CDKL5: variants seen among roughly 807,000 people sequenced by gnomAD.
The protein encoded by CDKL5 is cyclin dependent kinase like 5.
Under a neutral mutation model 61.7 loss-of-function variants are expected in CDKL5, and 8 were observed. The ratio of observed to expected loss-of-function variants is 0.13; its 90% confidence interval spans 0.08 to 0.23. CDKL5 has a LOEUF of 0.23. CDKL5 is among the 10% of genes least tolerant of loss of function. CDKL5 has a pLI of 1.00. For missense variants in CDKL5, 440 were observed against 734.5 expected, an observed-to-expected ratio of 0.60 and a Z score of 4.63; for synonymous variants, 275 against 272.3, an observed-to-expected ratio of 1.01 and a Z score of -0.10.
intron 1 of CDKL5, among the ~76,000 whole-genome samples, chrX:18,496,334 C>A (rs1195838725): frequency 1.8e-5 from 2 of 111,927 alleles, no homozygotes; most frequent in African/African-American, 6.5e-5. Context: ...TTCTGATTCG[C>A]AGTTGGTTGA....
At chrX:18,485,711 T>C (rs758970843) in intron 1 of CDKL5, among the ~76,000 whole-genome samples, 1 of 111,834 alleles carries the variant, frequency 8.9e-6, no homozygotes, top group Admixed American at 9.5e-5. Context: ...ACTTTCCTTA[T>C]AGGGAATCTT....
At chrX:18,624,553 A>T (rs1342172126) in intron 16 of CDKL5, among the ~76,000 whole-genome samples, 2 of 112,055 alleles carry the variant, frequency 1.8e-5, no homozygotes, top group African/African-American at 6.5e-5. Context: ...AATTGCATTC[A>T]TCTGGAATTT....
chrX:18,513,846 T>A (rs1168094562), intron 3 of CDKL5, among the ~76,000 whole-genome samples: 1 of 111,781 alleles, frequency 8.9e-6, no homozygotes, highest in African/African-American at 3.2e-5. Context: ...AACAAATGGA[T>A]TATTATGAAA....
intron 1 of CDKL5, among the ~76,000 whole-genome samples, chrX:18,453,615 G>A (rs1932072144): frequency 9.0e-6 from 1 of 111,594 alleles, no homozygotes; most frequent in Admixed American, 9.6e-5. Flanking sequence ...TGTTAAAATT[G>A]AGTTTTAACA....
At chrX:18,624,581 C>T (rs924089033) in intron 16 of CDKL5, among the ~76,000 whole-genome samples, 4 of 111,987 alleles carry the variant, frequency 3.6e-5, no homozygotes. Context: ...AGATTTCCAG[C>T]ATTTCTCTAG....
intron 3 of CDKL5, among the ~76,000 whole-genome samples, chrX:18,526,656 G>A (rs6629279): frequency 0.1 from 11,406 of 110,813 alleles, 1,198 homozygotes; most frequent in African/African-American, 0.31. Flanking sequence ...TTCTTAAATC[G>A]GTGACGGAGA....
intron 5 of CDKL5, among the ~76,000 whole-genome samples, chrX:18,577,962 C>T (rs1925354020): frequency 1.8e-5 from 2 of 112,455 alleles, no homozygotes; most frequent in Admixed American, 1.9e-4. Flanking sequence ...AACATAAATA[C>T]TGTATGTATT....
chrX:18,653,452 C>G lies in CDKL5; in HGVS notation c.3001C>G (p.His1001Asp), dbSNP rs376960593. 3 of 1,211,341 alleles carry G rather than the reference C, an allele frequency of 2.5e-6. No homozygotes were observed. Residue 1001 changes from histidine (H) to aspartate (D), a missense_variant, in exon 22 of 22, where the codon CAC (histidine) becomes GAC (aspartate). His to Asp is a moderately conservative substitution (Grantham distance 81). Coordinates refer to the CDKL5 transcript ENST00000379989. The stretch of plus-strand genomic sequence containing the variant: ...TCCAGGGTTCTCTTTCTTCGTGAGA[C>G]ACGTTATGAGGGAAGCCCTGATTCA...
At chrX:18,575,646 A>C (rs1290886343) in intron 5 of CDKL5, among the ~76,000 whole-genome samples, 156 bp downstream of exon 5, 1 of 112,580 alleles carries the variant, frequency 8.9e-6, no homozygotes, top group Non-Finnish European at 1.9e-5. Context: ...TAATCATTAG[A>C]AATTCTGAAA....
intron 11 of CDKL5, among the ~76,000 whole-genome samples, chrX:18,601,523 T>C (rs147620972): frequency 8.9e-6 from 1 of 112,433 alleles, no homozygotes; most frequent in African/African-American, 3.2e-5. Context: ...CTGTTTTTTA[T>C]TGTTGCACTT....
rs6633107 is a variant in CDKL5, at chrX:18,647,482, T to G, written c.2797+1392T>G. On this transcript the variant is annotated intron_variant, in intron 20 of 21. Coordinates refer to the CDKL5 transcript ENST00000379989. ...CTGTGGTTCACAATGGGTACAGCTG[T>G]GTCTTCAACGGTTCACTACTCACGC... 0.032 allele frequency: 17,532 copies of G among 540,562 alleles called. 1,488 individuals are homozygous for G. The highest frequency in any genetic ancestry group is 0.3 in the African/African-American group (12,849 of 43,222). 44.5% of individuals were successfully genotyped at this position (540,562 alleles called of 1,213,427 possible).
chrX:18,426,055 G>T, intron 1 of CDKL5: 1 of 112,395 alleles, frequency 8.9e-6, no homozygotes, highest in Non-Finnish European at 1.9e-5. Context: ...CCCGCGGCAC[G>T]AGCTCCCCGG....
At position 18,636,475 on chromosome X, in the gene CDKL5, G is replaced by T. The variant is rs1262489351; in HGVS notation, c.*7718G>T. On this transcript the variant is annotated 3_prime_UTR_variant, in exon 18 of 18. Coordinates refer to ENST00000623535, the MANE Select transcript of CDKL5 (RefSeq NM_001323289.2). Reference sequence around the variant, plus strand: ...CATACTTGACATTAACCTGCCCAAGGTCACCCAGTTTGGAAGTGGCAGGGC... The same window carrying T: ...CATACTTGACATTAACCTGCCCAAGTTCACCCAGTTTGGAAGTGGCAGGGC... The T allele has an allele frequency of 9.2e-6, 1 of 109,015 alleles. No individual in the cohort carries two copies. The highest frequency in any genetic ancestry group is 1.0e-4 in the Admixed American group (1 of 10,048). The allele number at this position is 109,015 out of a possible 1,213,427, so 9.0% of individuals were successfully genotyped here.
At chrX:18,469,540 C>G (rs182035800) in intron 1 of CDKL5, among the ~76,000 whole-genome samples, 28 of 103,192 alleles carry the variant, frequency 2.7e-4, no homozygotes, top group Admixed American at 1.3e-3. Flanking sequence ...TTCAGCTACT[C>G]GGGAGGCTGA....
At chrX:18,511,200 AAAGTT>A (rs1433206230) in intron 3 of CDKL5, among the ~76,000 whole-genome samples, 1 of 112,069 alleles carries the variant, frequency 8.9e-6, no homozygotes, top group Non-Finnish European at 1.9e-5. Context: ...ATCAGTACTC[AAAGTT>A]TTGGATTTTG....
At chrX:18,484,161 A>T (rs760145788) in intron 1 of CDKL5, among the ~76,000 whole-genome samples, 38 of 112,195 alleles carry the variant, frequency 3.4e-4, no homozygotes, top group African/African-American at 1.2e-3. Flanking sequence ...GAAAACAAAG[A>T]TGGTGGTTTG....
chrX:18,439,234 A>G (rs1329672982), intron 1 of CDKL5, among the ~76,000 whole-genome samples: 4 of 109,874 alleles, frequency 3.6e-5, no homozygotes, highest in Non-Finnish European at 7.6e-5. Flanking sequence ...AGTAGGTGCT[A>G]ATAGCTCTCT....
In CDKL5 at chrX:18,604,012, A is replaced by G. The variant is rs755167459; in HGVS notation, c.1088A>G (p.Asn363Ser). The change falls in exon 12 of 18, where the codon AAT becomes AGT. Residue 363 changes from asparagine to serine, a missense_variant. By Grantham distance (46) the Asn-to-Ser change is conservative. Coordinates refer to ENST00000623535, the MANE Select transcript of CDKL5 (RefSeq NM_001323289.2). ...CGGGCTGACGAAGGTCTCCCTGCCA[A>G]TGAAAGCTTCCTAAATGGAAACCTT... ...LPRADEGLPANESFLNGNLAG... is the reference protein window; with the variant it reads ...LPRADEGLPASESFLNGNLAG... The G allele has an allele frequency of 1.2e-5, 14 of 1,209,424 alleles. No homozygotes were observed. The South Asian group carries it at 2.1e-4, about 18-fold the overall frequency.
At chrX:18,617,605 G>T (rs372975155) in intron 15 of CDKL5, among the ~76,000 whole-genome samples, 1 of 111,935 alleles carries the variant, frequency 8.9e-6, no homozygotes, top group East Asian at 2.8e-4. Context: ...CACTCTGTCA[G>T]CCTTTTCTCC....
Sources: allele counts gnomAD v4.1 joint callset (sites outside exome capture counted in the v4.1 genomes callset), GRCh38; gene constraint gnomAD v4.1.1; transcripts MANE v1.5; gene names NCBI Gene and HGNC (gene_info 2026-07-23, HGNC 2026-07-21).